The following EVA1C variants were observed in gnomAD, a reference collection of about 807,000 sequenced individuals.
The protein encoded by EVA1C is protein eva-1 homolog C.
EVA1C carries 25 observed loss-of-function variants against 45.4 expected under a neutral mutation model. The ratio of observed to expected loss-of-function variants is 0.55; its 90% confidence interval spans 0.40 to 0.77. EVA1C has a LOEUF of 0.77. Ranked by LOEUF, EVA1C falls within the 30% of genes least tolerant of loss-of-function variation. The probability of loss-of-function intolerance (pLI) is 0.00; values close to 1 mark genes in which losing one functional copy is unlikely to be tolerated. For missense variants in EVA1C, 479 were observed against 554.8 expected, an observed-to-expected ratio of 0.86 and a Z score of 1.37; for synonymous variants, 190 against 221.2, an observed-to-expected ratio of 0.86 and a Z score of 1.25.
intron 1 of EVA1C, among the ~76,000 whole-genome samples, chr21:32,441,729 G>A (rs2035181176): frequency 6.6e-6 from 1 of 152,156 alleles, no homozygotes; most frequent in Non-Finnish European, 1.5e-5. Context: ...GAAATTATGG[G>A]ACTTGATGAA....
chr21:32,490,747 G>A (rs1426974436), intron 4 of EVA1C, among the ~76,000 whole-genome samples: 2 of 152,082 alleles, frequency 1.3e-5, no homozygotes, highest in African/African-American at 2.4e-5. Context: ...ACAGCTGTGG[G>A]TTCTCATGCA....
chr21:32,489,741 CT>C lies in EVA1C; in HGVS notation c.635-5282del, dbSNP rs201780458. ...CTTCCAGTCCATAAGCATGGGATACCTTTTCATTTATCTGTGTCTTGCTCAA... is the reference window on the plus strand; with the variant it reads ...CTTCCAGTCCATAAGCATGGGATACCTTTCATTTATCTGTGTCTTGCTCAA... On this transcript the variant is annotated intron_variant, in intron 4 of 7. Coordinates refer to ENST00000300255, the MANE Select transcript of EVA1C (RefSeq NM_058187.5). Among the ~76,000 whole-genome samples the C allele has an allele frequency of 6.0e-3, 912 of 152,268 alleles. 14 individuals carry two copies. The highest frequency in any genetic ancestry group is 0.021 in the African/African-American group (870 of 41,550).
At chr21:32,437,996 G>A (rs912485642) in intron 1 of EVA1C, among the ~76,000 whole-genome samples, 6 of 152,068 alleles carry the variant, frequency 3.9e-5, no homozygotes, top group South Asian at 2.1e-4. Context: ...TCCTGTTTCC[G>A]CTCTGCGTCT....
intron 3 of EVA1C, among the ~76,000 whole-genome samples, chr21:32,458,638 C>T (rs1030040084): frequency 3.9e-5 from 6 of 152,016 alleles, no homozygotes; most frequent in East Asian, 3.9e-4. Context: ...TGCACCACCA[C>T]GCCTGGCTAA....
At chr21:32,497,556 A>G (rs1286130671) in intron 5 of EVA1C, among the ~76,000 whole-genome samples, 2 of 152,158 alleles carry the variant, frequency 1.3e-5, no homozygotes, top group Non-Finnish European at 2.9e-5. Context: ...GTACAATAAC[A>G]TTTACTAAAA....
Position 32,474,622 on chromosome 21 carries a change from G to A in EVA1C, c.634+6774G>A, listed in dbSNP as rs1025996219. Reference sequence around the variant, plus strand: ...CCCCAGGAGCTAAGCAGCTCTGCAGGGACTGGTCTGTGGAATTCCCAGCAA... The same window carrying A: ...CCCCAGGAGCTAAGCAGCTCTGCAGAGACTGGTCTGTGGAATTCCCAGCAA... On this transcript the variant is annotated intron_variant, in intron 4 of 7. Coordinates refer to ENST00000300255, the MANE Select transcript of EVA1C (RefSeq NM_058187.5). This position sits in a 1 kb window ranked among gnomAD's most constrained non-coding sequence, Gnocchi z 4.4. Among the ~76,000 whole-genome samples, 1 of 152,178 alleles carries A rather than the reference G, an allele frequency of 6.6e-6. No individual in the cohort carries two copies. Among genetic ancestry groups the A allele is most frequent in the African/African-American group, 2.4e-5 (1 of 41,444 alleles).
At chr21:32,416,206 TTGTG>T (rs113090077) in intron 1 of EVA1C, among the ~76,000 whole-genome samples, 1 of 150,058 alleles carries the variant, frequency 6.7e-6, no homozygotes, top group African/African-American at 2.4e-5. Flanking sequence ...ACTTACTGTT[TTGTG>T]TGTGTGTGTG....
intron 4 of EVA1C, among the ~76,000 whole-genome samples, chr21:32,471,917 C>A (rs1032439456): frequency 6.6e-6 from 1 of 152,096 alleles, no homozygotes; most frequent in African/African-American, 2.4e-5. Flanking sequence ...CGTGAGCAAC[C>A]GCACTCGGCC....
At chr21:32,496,931 G>T in intron 5 of EVA1C, 5 of 1,316,386 alleles carry the variant, frequency 3.8e-6, no homozygotes, top group Non-Finnish European at 5.5e-6. Context: ...GCATTTGAAG[G>T]TGCAACTAAA....
chr21:32,477,508 G>C (rs2036607771), intron 4 of EVA1C, among the ~76,000 whole-genome samples: 1 of 152,094 alleles, frequency 6.6e-6, no homozygotes. Flanking sequence ...AGCCCGGATG[G>C]TGGCTGGGGC....
At chr21:32,456,174 G>A (rs1015297600) in intron 2 of EVA1C, among the ~76,000 whole-genome samples, 1 of 149,612 alleles carries the variant, frequency 6.7e-6, no homozygotes, top group African/African-American at 2.4e-5. Context: ...TTACAGGTGT[G>A]AGCCACCGCG....
chr21:32,413,054 G>A, intron 1 of EVA1C, 41 bp downstream of exon 1: 1 of 1,330,206 alleles, frequency 7.5e-7, no homozygotes. Context: ...CGGCACCGCG[G>A]AGCGCCCAGG....
At chr21:32,505,816 T>TC (rs1334291552) in intron 7 of EVA1C, among the ~76,000 whole-genome samples, 1 of 152,044 alleles carries the variant, frequency 6.6e-6, no homozygotes, top group East Asian at 1.9e-4. Flanking sequence ...AGATTAGGAT[T>TC]CCCCCCTTAT....
intron 5 of EVA1C, among the ~76,000 whole-genome samples, chr21:32,500,008 A>G: frequency 6.6e-6 from 1 of 152,124 alleles, no homozygotes. Flanking sequence ...TATTTAGCAA[A>G]TCACTTTAGC....
intron 4 of EVA1C, among the ~76,000 whole-genome samples, chr21:32,479,937 C>G (rs1030083070): frequency 6.6e-6 from 1 of 151,470 alleles, no homozygotes; most frequent in Non-Finnish European, 1.5e-5. Context: ...CCAGGGTGCT[C>G]TCATAGAATT....
chr21:32,504,013 G>C lies in EVA1C; in HGVS notation c.947G>C (p.Arg316Thr). ...SNSLAAFAYI[R>T]AHPERAALLF... The stretch of plus-strand genomic sequence containing the variant: ...TCTCTGGCAGCCTTTGCTTACATTA[G>C]AGGTAGGTCAATGAATCAAAGCTTC... The change falls in exon 7 of 8, where the codon AGA becomes ACA. Residue 316 changes from arginine to threonine, a missense_variant and splice_region_variant. Arg to Thr is a moderately conservative substitution (Grantham distance 71). Around this residue, in one of 3 missense-constraint regions of EVA1C, gnomAD observed 366 missense variants for 426.1 expected, o/e 0.86. Transcript: ENST00000300255. The C allele has an allele frequency of 1.9e-6, 3 of 1,603,452 alleles. No individual in the cohort carries two copies. Among genetic ancestry groups the C allele is most frequent in the Non-Finnish European group, 2.6e-6 (3 of 1,172,968 alleles).
Position 32,457,594 on chromosome 21 carries a change from T to C in EVA1C, c.358-3T>C, listed in dbSNP as rs776825934. The C allele has an allele frequency of 6.2e-7, 1 of 1,614,132 alleles. No homozygotes were observed. Among genetic ancestry groups the C allele is most frequent in the East Asian group, 2.2e-5 (1 of 44,882 alleles). ...CTGTCCCTTTTCTACCCTCTCCTTC[T>C]AGAAGGTGCTGGACGAATGCCAGAA... On this transcript the variant is annotated splice_region_variant and splice_polypyrimidine_tract_variant and intron_variant, in intron 2 of 7. Transcript: ENST00000300255.
At chr21:32,483,800 T>C (rs570696285) in intron 4 of EVA1C, among the ~76,000 whole-genome samples, 1 of 152,324 alleles carries the variant, frequency 6.6e-6, no homozygotes, top group East Asian at 1.9e-4. Flanking sequence ...GCCCAGCACC[T>C]GATTCTTTTT....
chr21:32,504,422 C>G (rs947551697), intron 7 of EVA1C, among the ~76,000 whole-genome samples: 1 of 152,170 alleles, frequency 6.6e-6, no homozygotes, highest in Admixed American at 6.5e-5. Context: ...GAAGACAGAG[C>G]CACTTTCTGG....
Sources: allele counts gnomAD v4.1 joint callset (sites outside exome capture counted in the v4.1 genomes callset), GRCh38; gene constraint gnomAD v4.1.1; regional missense constraint gnomAD v4.1.1; non-coding constraint Gnocchi (gnomAD v3.1); transcripts MANE v1.5; gene names NCBI Gene and HGNC (gene_info 2026-07-23, HGNC 2026-07-21).